KDM6A: variants seen among roughly 807,000 people sequenced by gnomAD.
The protein encoded by KDM6A is lysine-specific demethylase 6A.
Under a neutral mutation model 117.6 loss-of-function variants are expected in KDM6A, and 11 were observed. That is an observed-to-expected ratio of 0.09 (90% confidence interval 0.06 to 0.15). The LOEUF (loss-of-function observed/expected upper bound fraction) is 0.15, where lower values mean the gene tolerates loss of function less well. KDM6A is among the 10% of genes least tolerant of loss of function. The pLI is 1.00. For missense variants in KDM6A, 799 were observed against 1,077.3 expected (o/e 0.74, Z 3.62); for synonymous variants, 384 against 396.1 (o/e 0.97, Z 0.36).
intron 3 of KDM6A, among the ~76,000 whole-genome samples, chrX:44,964,585 A>G (rs966430715): frequency 8.9e-6 from 1 of 111,764 alleles, no homozygotes; most frequent in African/African-American, 3.3e-5. Context: ...TTGGGTAACC[A>G]GGTGCATTGT....
chrX:44,954,830 C>T (rs1385276162), intron 2 of KDM6A, among the ~76,000 whole-genome samples: 2 of 111,171 alleles, frequency 1.8e-5, no homozygotes, highest in Non-Finnish European at 1.9e-5. Context: ...GCTGTAGAAA[C>T]AGACCAGTCA....
At chrX:44,990,401 G>A (rs2040505183) in intron 4 of KDM6A, among the ~76,000 whole-genome samples, 1 of 110,179 alleles carries the variant, frequency 9.1e-6, no homozygotes, top group South Asian at 3.9e-4. Flanking sequence ...TTAGCCCAAT[G>A]TGGTGGCACG....
rs200109678 is a variant in KDM6A, at chrX:45,089,952, A to T, written c.3892+22A>T. The T allele has an allele frequency of 1.2e-4, 142 of 1,154,187 alleles. No individual in the cohort carries two copies. The highest frequency in any genetic ancestry group is 5.1e-4 in the Admixed American group (23 of 45,033). ...ACAGGTATTATAAAGAATATGCTTT[A>T]AAAAAGTTAATTTATAAAGGATTAT... On this transcript the variant is annotated intron_variant, in intron 26 of 29. Transcript: ENST00000611820.
At chrX:44,938,276 G>A (rs1222840062) in intron 2 of KDM6A, among the ~76,000 whole-genome samples, 1 of 111,566 alleles carries the variant, frequency 9.0e-6, no homozygotes, top group Admixed American at 9.5e-5. Flanking sequence ...ATTCTTGAAG[G>A]GAATTAAAAG....
chrX:44,992,064 T>A (rs1398605112), intron 4 of KDM6A, among the ~76,000 whole-genome samples: 2 of 110,754 alleles, frequency 1.8e-5, no homozygotes, highest in Non-Finnish European at 3.8e-5. Flanking sequence ...TATTCCTTCC[T>A]GGGTATACTT....
At chrX:44,907,438 C>T (rs901894537) in intron 2 of KDM6A, among the ~76,000 whole-genome samples, 70 of 102,016 alleles carry the variant, frequency 6.9e-4, no homozygotes, top group African/African-American at 2.4e-3. Context: ...CCACCACGCC[C>T]GGCTAATTGT....
intron 2 of KDM6A, among the ~76,000 whole-genome samples, chrX:44,924,687 G>GTCTA (rs1286191873): frequency 3.9e-5 from 4 of 102,357 alleles, no homozygotes; most frequent in Admixed American, 2.1e-4. Flanking sequence ...GTGTGTGTGT[G>GTCTA]TGTCTATGTA....
chrX:44,895,193 C>A (rs1384797775), intron 2 of KDM6A, among the ~76,000 whole-genome samples: 1 of 108,535 alleles, frequency 9.2e-6, no homozygotes, highest in Non-Finnish European at 1.9e-5. Context: ...GCAAACTCCG[C>A]CTCCTGGGTT....
At chrX:44,962,393 T>C (rs913118417) in intron 3 of KDM6A, among the ~76,000 whole-genome samples, 8 of 111,879 alleles carry the variant, frequency 7.2e-5, no homozygotes, top group Admixed American at 9.5e-5. Flanking sequence ...TGAGTATCTG[T>C]TGTCTGATCT....
chrX:45,100,833 TTTTC>T (rs745689484), intron 27 of KDM6A, among the ~76,000 whole-genome samples: 1 of 109,871 alleles, frequency 9.1e-6, no homozygotes, highest in Non-Finnish European at 1.9e-5. Context: ...TATTTTTTCT[TTTTC>T]TTTCTTCTTT....
chrX:45,037,585 T>C (rs1042004824), intron 7 of KDM6A, 70 bp from the exon 8 acceptor site: 1 of 829,682 alleles, frequency 1.2e-6, no homozygotes, highest in East Asian at 3.1e-5. Context: ...TGCTTTGTTA[T>C]TCTTACTTAA....
At chrX:44,906,006 G>A (rs2034629040) in intron 2 of KDM6A, among the ~76,000 whole-genome samples, 1 of 111,265 alleles carries the variant, frequency 9.0e-6, no homozygotes, top group African/African-American at 3.3e-5. Flanking sequence ...TCTTGGGTTT[G>A]GTCTCTACAG....
chrX:44,873,611 T>G lies in KDM6A; in HGVS notation c.60T>G (p.Asp20Glu). The change falls in exon 1 of 30, where the codon GAT (aspartate) becomes GAG (glutamate). Residue 20 changes from aspartate to glutamate, a missense_variant. Physicochemically the swap from Asp to Glu is conservative, Grantham distance 45. Around this residue, in one of 8 missense-constraint regions of KDM6A, gnomAD observed 89 missense variants for 117.8 expected, o/e 0.76. Coordinates refer to ENST00000611820, the MANE Select transcript of KDM6A (RefSeq NM_001291415.2). ...CCGCTGCCGCCGCCGCTTTCGGTGA[T>G]GAGGAAAAGAAAATGGCGGCGGGAA... ...TAAAAAAAFG[D>E]EEKKMAAGKA... 1 of 1,204,530 alleles carries G rather than the reference T, an allele frequency of 8.3e-7. No homozygotes were observed. Among genetic ancestry groups the G allele is most frequent in the Non-Finnish European group, 1.1e-6 (1 of 892,074 alleles).
At chrX:45,099,295 C>CT (rs11380643) in intron 27 of KDM6A, among the ~76,000 whole-genome samples, 17,819 of 100,949 alleles carry the variant, frequency 0.18, 3,909 homozygotes, top group African/African-American at 0.59. Context: ...CCAAAAATGT[C>CT]TTTTTTTTTT....
At chrX:44,904,645 G>C (rs757547670) in intron 2 of KDM6A, among the ~76,000 whole-genome samples, 2 of 111,892 alleles carry the variant, frequency 1.8e-5, no homozygotes, top group South Asian at 7.3e-4. Context: ...TTGCAAGAGG[G>C]ATCTTCCAGG....
chrX:45,006,802 A>C (rs758357700), intron 4 of KDM6A, among the ~76,000 whole-genome samples: 1 of 111,264 alleles, frequency 9.0e-6, no homozygotes, highest in Admixed American at 9.5e-5. Context: ...ATGGTGGCAC[A>C]CACCTGTGGT....
At chrX:44,959,398 G>A (rs906566748) in intron 2 of KDM6A, among the ~76,000 whole-genome samples, 7 of 109,206 alleles carry the variant, frequency 6.4e-5, no homozygotes, top group African/African-American at 2.0e-4. Flanking sequence ...TGGCATGAAG[G>A]GTGATAAGAG....
At position 44,873,672 on chromosome X, in the gene KDM6A, C is replaced by T. The variant is rs868731205; in HGVS notation, c.121C>T (p.Leu41=). 1.7e-5 allele frequency: 20 copies of T among 1,183,783 alleles called. No individual in the cohort carries two copies. Among genetic ancestry groups the T allele is most frequent in the Admixed American group, 2.4e-5 (1 of 41,349 alleles). ...SGESEEASPS[L]TAEEREALGG... is the part of the protein sequence containing the mutation. ...CGAGAGCGAGGAGGCGTCCCCCAGCCTGACAGCCGAGGAGAGGGAGGCGCT... is the reference window on the plus strand; with the variant it reads ...CGAGAGCGAGGAGGCGTCCCCCAGCTTGACAGCCGAGGAGAGGGAGGCGCT... Residue 41 remains leucine (L), a synonymous_variant, in exon 1 of 30, where the codon CTG becomes TTG. Coordinates refer to ENST00000611820, the MANE Select transcript of KDM6A (RefSeq NM_001291415.2).
chrX:44,938,763 G>C (rs1163060440), intron 2 of KDM6A, among the ~76,000 whole-genome samples: 1 of 112,411 alleles, frequency 8.9e-6, no homozygotes, highest in Non-Finnish European at 1.9e-5. Flanking sequence ...TGACTCATTT[G>C]TTAGGGGCTA....
Sources: gnomAD v4.1 joint callset for allele counts (sites outside exome capture counted in the v4.1 genomes callset) on GRCh38, gnomAD v4.1.1 for gene constraint, gnomAD v4.1.1 regional missense constraint, MANE v1.5 for transcripts, NCBI Gene and HGNC (gene_info 2026-07-23, HGNC 2026-07-21) for gene names.